Variants in FCHSD2 observed in about 807,000 individuals in gnomAD.
FCHSD2 encodes FCH and double SH3 domains 2.
In FCHSD2, 38 loss-of-function variants were observed where a neutral mutation model predicts 108.1. The observed-to-expected ratio is 0.35, with a 90% CI of 0.27 to 0.46. The LOEUF is 0.46. FCHSD2 is among the 20% of genes least tolerant of loss of function. The probability of loss-of-function intolerance (pLI) is 1.00; values close to 1 mark genes in which losing one functional copy is unlikely to be tolerated. For missense variants in FCHSD2, 751 were observed against 897.8 expected (o/e 0.84, Z 2.09); for synonymous variants, 279 against 314.7 (o/e 0.89, Z 1.20).
intron 2 of FCHSD2, among the ~76,000 whole-genome samples, chr11:73,127,295 T>C (rs1860880872): frequency 6.6e-6 from 1 of 151,870 alleles, no homozygotes; most frequent in Non-Finnish European, 1.5e-5. Flanking sequence ...GCCAAAAAGA[T>C]CAAATGGAAT....
chr11:73,080,334 A>G (rs1392915480), intron 3 of FCHSD2, among the ~76,000 whole-genome samples: 1 of 151,650 alleles, frequency 6.6e-6, no homozygotes, highest in African/African-American at 2.4e-5. Context: ...GAAAGAAAAG[A>G]AATTTTTCAA....
chr11:72,950,179 A>T (rs1856595808), intron 8 of FCHSD2, among the ~76,000 whole-genome samples: 1 of 152,156 alleles, frequency 6.6e-6, no homozygotes, highest in Non-Finnish European at 1.5e-5. Flanking sequence ...TTGCCCTTTT[A>T]AAAAAACTGG....
intron 4 of FCHSD2, among the ~76,000 whole-genome samples, chr11:73,004,467 T>C (rs1857697620): frequency 6.6e-6 from 1 of 152,172 alleles, no homozygotes; most frequent in Non-Finnish European, 1.5e-5. Context: ...CTCTAACAGT[T>C]ACTCAGTCCT....
chr11:73,099,133 C>T (rs1860157189), intron 2 of FCHSD2, among the ~76,000 whole-genome samples: 2 of 152,178 alleles, frequency 1.3e-5, no homozygotes, highest in South Asian at 2.1e-4. Flanking sequence ...GAAGAATCAC[C>T]GAGCCCAGGC....
chr11:72,909,380 C>T (rs152997), intron 9 of FCHSD2, among the ~76,000 whole-genome samples: 144,685 of 152,114 alleles, frequency 0.95, 69,121 homozygotes, highest in East Asian at 1. Flanking sequence ...GATCTCGGCT[C>T]GCTACAACCT....
intron 8 of FCHSD2, among the ~76,000 whole-genome samples, chr11:72,954,836 CTGCCATCAGACATCTCAA>C (rs765056165): frequency 1.3e-5 from 2 of 152,002 alleles, no homozygotes; most frequent in Non-Finnish European, 2.9e-5. Flanking sequence ...AGTATTGAAC[CTGCCATCAGACATCTCAA>C]TGTGAATTGA....
intron 2 of FCHSD2, among the ~76,000 whole-genome samples, chr11:73,125,191 T>C (rs1271016444): frequency 2.0e-5 from 3 of 152,242 alleles, no homozygotes; most frequent in South Asian, 4.1e-4. Flanking sequence ...AACCTGTATG[T>C]TGGTTTCAGG....
At chr11:72,993,053 A>C (rs1857448819) in intron 5 of FCHSD2, among the ~76,000 whole-genome samples, 1 of 152,174 alleles carries the variant, frequency 6.6e-6, no homozygotes, top group African/African-American at 2.4e-5. Context: ...AACTCAAACA[A>C]ATTTACAAGA....
intron 4 of FCHSD2, among the ~76,000 whole-genome samples, chr11:73,002,439 C>T (rs952958891): frequency 1.3e-5 from 2 of 152,190 alleles, no homozygotes; most frequent in East Asian, 3.8e-4. Flanking sequence ...CATGGCCTCA[C>T]TGCATGACAA....
chr11:73,047,566 T>A (rs894655932), intron 3 of FCHSD2, among the ~76,000 whole-genome samples: 5 of 152,120 alleles, frequency 3.3e-5, no homozygotes, highest in African/African-American at 1.2e-4. Flanking sequence ...CAAAAAGAAA[T>A]CCTGAAATAA....
intron 8 of FCHSD2, among the ~76,000 whole-genome samples, chr11:72,923,922 A>C (rs1856024202): frequency 6.6e-6 from 1 of 152,204 alleles, no homozygotes; most frequent in South Asian, 2.1e-4. Context: ...TCTGCGTGAC[A>C]GAGCAAGACT....
chr11:72,919,747 T>G (rs1855943693), intron 9 of FCHSD2, among the ~76,000 whole-genome samples: 1 of 152,146 alleles, frequency 6.6e-6, no homozygotes, highest in African/African-American at 2.4e-5. Flanking sequence ...TGCTAGAAGA[T>G]AACCTCTCTG....
rs528910007 is a variant in FCHSD2, at chr11:72,856,661, A to G, written c.1309-6772T>C. Among the ~76,000 whole-genome samples the G allele has an allele frequency of 2.7e-4, 41 of 152,324 alleles. 1 individual carries two copies. The South Asian group carries it at 4.3e-3, about 16-fold the overall frequency. On this transcript the variant is annotated intron_variant, in intron 13 of 19. Transcript: ENST00000409418. ...AAATTCTCCACAGCTGAGTGAGGAA[A>G]TCCTGTGCTATCTCTTACAAATTAT... is the stretch of plus-strand genomic sequence containing the variant.
rs139990700 is a variant in FCHSD2, at chr11:72,890,543, C to G, written c.925-598G>C. On this transcript the variant is annotated intron_variant, in intron 10 of 19. Transcript: ENST00000409418. The stretch of plus-strand genomic sequence containing the variant: ...AGATAAGGGTGCTAGATCAAATGAT[C>G]ACCAAGGGTTTCTTCTAGCTCTAAA... 4.3e-3 allele frequency among the ~76,000 whole-genome samples: 662 copies of G among 152,310 alleles called. 4 individuals are homozygous for G. Among genetic ancestry groups the G allele is most frequent in the African/African-American group, 0.016 (646 of 41,564 alleles).
chr11:73,002,910 T>C (rs1427713211), intron 4 of FCHSD2, among the ~76,000 whole-genome samples: 2 of 152,170 alleles, frequency 1.3e-5, no homozygotes, highest in Non-Finnish European at 2.9e-5. Flanking sequence ...CTCACTATAG[T>C]GAAAGCTCCA....
chr11:72,983,309 T>G (rs1405159164), intron 8 of FCHSD2, among the ~76,000 whole-genome samples: 1 of 132,302 alleles, frequency 7.6e-6, no homozygotes, highest in African/African-American at 2.9e-5. Flanking sequence ...AAAAAAAAAA[T>G]AAATAAAAGA....
intron 4 of FCHSD2, among the ~76,000 whole-genome samples, chr11:73,009,949 T>C (rs1591479654): frequency 6.6e-6 from 1 of 152,326 alleles, no homozygotes; most frequent in Admixed American, 6.5e-5. Context: ...TAAATCTCGT[T>C]AGACTTGGGA....
At chr11:72,988,310 C>T (rs1029889707) in intron 6 of FCHSD2, among the ~76,000 whole-genome samples, 2 of 152,112 alleles carry the variant, frequency 1.3e-5, no homozygotes, top group Non-Finnish European at 2.9e-5. Context: ...ATTGTCACTG[C>T]AAAAATCTCT....
rs576112122 is a variant in FCHSD2 at position 72,949,483 on chromosome 11, AAAAAG to A, written c.706-27538_706-27534del. Among the ~76,000 whole-genome samples the A allele has an allele frequency of 6.6e-4, 100 of 152,064 alleles. 1 individual carries two copies. Among genetic ancestry groups the A allele is most frequent in the South Asian group, 1.7e-3 (8 of 4,812 alleles). On this transcript the variant is annotated intron_variant, in intron 8 of 19. Coordinates refer to ENST00000409418, the MANE Select transcript of FCHSD2 (RefSeq NM_014824.3). ...AGAAAGAAAAGAAAAGAAAGGAAAG[AAAAAG>A]AAAAGAAAAGAAAAGAAAAGAAAAC... is the stretch of plus-strand genomic sequence containing the variant.
Sources: gnomAD v4.1 joint callset for allele counts (sites outside exome capture counted in the v4.1 genomes callset) on GRCh38, gnomAD v4.1.1 for gene constraint, MANE v1.5 for transcripts, NCBI Gene and HGNC (gene_info 2026-07-23, HGNC 2026-07-21) for gene names.